MFNG: variants seen among roughly 807,000 people sequenced by gnomAD.
MFNG encodes the protein beta-1,3-N-acetylglucosaminyltransferase manic fringe.
In MFNG, 24 loss-of-function variants were observed where a neutral mutation model predicts 34.2. That is an observed-to-expected ratio of 0.70 (90% confidence interval 0.51 to 0.99). The LOEUF (loss-of-function observed/expected upper bound fraction) is 0.99. Ranked by LOEUF, MFNG falls within the 50% of genes least tolerant of loss-of-function variation. The pLI is 0.00. For synonymous variants in MFNG, 158 were observed against 179.2 expected (o/e 0.88, Z 0.94); for missense variants, 383 against 424.0 (o/e 0.90, Z 0.85).
chr22:37,477,120 C>T, intron 4 of MFNG, 139 bp from the exon 5 acceptor site: 1 of 703,290 alleles, frequency 1.4e-6, no homozygotes, highest in Non-Finnish European at 2.5e-6. Flanking sequence ...CTTGCTACAA[C>T]CTGGCATTAT....
intron 6 of MFNG, among the ~76,000 whole-genome samples, chr22:37,473,865 G>A (rs754089172): frequency 6.6e-6 from 1 of 152,236 alleles, no homozygotes; most frequent in Non-Finnish European, 1.5e-5. Context: ...CTGTCACACT[G>A]TTGGGCAGGA....
At position 37,469,510 on chromosome 22, in the gene MFNG, C is replaced by T; in HGVS notation, c.*453G>A. On this transcript the variant is annotated 3_prime_UTR_variant, in exon 8 of 8. Transcript: ENST00000356998. The stretch of plus-strand genomic sequence containing the variant: ...ATTCTGCCATCATTCCACCCATGTC[C>T]CTTCAGGAACTCGGGACACAGATGA... The T allele has an allele frequency of 3.3e-6, 1 of 304,108 alleles. No individual in the cohort carries two copies. Among genetic ancestry groups the T allele is most frequent in the Non-Finnish European group, 6.6e-6 (1 of 152,520 alleles). The allele number at this position is 304,108 out of a possible 1,614,324, so 18.8% of individuals were successfully genotyped here. A position where few individuals can be genotyped will look rare whatever the true frequency, so the allele number is the denominator to read the frequency against.
rs946213751 is a variant in MFNG, at chr22:37,483,184, C to T, written c.256-2415G>A. Among the ~76,000 whole-genome samples the T allele has an allele frequency of 6.6e-6, 1 of 152,180 alleles. No individual in the cohort carries two copies. Among genetic ancestry groups the T allele is most frequent in the Non-Finnish European group, 1.5e-5 (1 of 68,036 alleles). The stretch of plus-strand genomic sequence containing the variant: ...CTTCCTCTCACACCTCTTCCCGAGC[C>T]TGTCATCAATTCTGCTCACCAGCCT... On this transcript the variant is annotated intron_variant, in intron 1 of 7. Coordinates refer to ENST00000356998, the MANE Select transcript of MFNG (RefSeq NM_002405.4). The surrounding 1 kb of genome is among the most constrained non-coding windows in gnomAD (Gnocchi z 4.5).
At chr22:37,470,914 T>C (rs752163038) in intron 7 of MFNG, among the ~76,000 whole-genome samples, 1 of 152,202 alleles carries the variant, frequency 6.6e-6, no homozygotes, top group Admixed American at 6.5e-5. Context: ...GGCCTTTGCA[T>C]ATGCTGTCCC....
chr22:37,472,656 C>G, intron 6 of MFNG, 128 bp from the exon 7 acceptor site: 1 of 881,242 alleles, frequency 1.1e-6, no homozygotes, highest in East Asian at 3.0e-5. Context: ...TGAAATTCCC[C>G]GCTGGTGGTG....
At chr22:37,470,081 A>C in intron 7 of MFNG, 52 bp from the exon 8 acceptor site, 1 of 1,411,826 alleles carries the variant, frequency 7.1e-7, no homozygotes, top group Non-Finnish European at 9.8e-7. Flanking sequence ...TTCTGCTCTC[A>C]GCCCACTCTC....
Position 37,479,341 on chromosome 22 carries a change from C to G in MFNG, c.561+4G>C, listed in dbSNP as rs772413740. On this transcript the variant is annotated splice_donor_region_variant and intron_variant, in intron 4 of 7. Transcript: ENST00000356998. ...AGGGGCAAAGGAGGAGGAGAGGGAC[C>G]CACCGTGCGGTTGTGGGGCTGTGGC... 6.4e-7 allele frequency: 1 copy of G among 1,565,896 alleles called. No individual in the cohort carries two copies. Among genetic ancestry groups the G allele is most frequent in the East Asian group, 2.4e-5 (1 of 41,626 alleles).
rs766197957 is a variant in MFNG, at chr22:37,480,227, T to A, written c.377A>T (p.Glu126Val). ...HPALSCKMAAEFDTFLASGLR... is the reference protein window; with the variant it reads ...HPALSCKMAAVFDTFLASGLR... ...CCCACTGGCCAAGAAGGTGTCGAAC[T>A]CAGCAGCCATCTTGCAGGACAGAGC... Residue 126 changes from glutamate to valine, a missense_variant, in exon 3 of 8, where the codon GAG becomes GTG. By Grantham distance (121) the Glu-to-Val change is moderately radical (BLOSUM62 -2). Coordinates refer to ENST00000356998, the MANE Select transcript of MFNG (RefSeq NM_002405.4). 3 of 1,611,994 alleles carry A rather than the reference T, an allele frequency of 1.9e-6. No homozygotes were observed. The highest frequency in any genetic ancestry group is 3.3e-5 in the Admixed American group (2 of 60,008).
chr22:37,472,684 C>A, intron 6 of MFNG, 156 bp from the exon 7 acceptor site: 2 of 615,676 alleles, frequency 3.2e-6, no homozygotes, highest in South Asian at 2.1e-5. Flanking sequence ...ACCCCACGCC[C>A]CAAGGCACTT....
At chr22:37,477,702 G>A (rs1014558395) in intron 4 of MFNG, among the ~76,000 whole-genome samples, 1 of 152,034 alleles carries the variant, frequency 6.6e-6, no homozygotes, top group Non-Finnish European at 1.5e-5. Flanking sequence ...CACCTGCCTC[G>A]GCCTCCCAAA....
chr22:37,470,790 G>T (rs981716960), intron 7 of MFNG, among the ~76,000 whole-genome samples: 3 of 152,158 alleles, frequency 2.0e-5, no homozygotes, highest in Non-Finnish European at 2.9e-5. Flanking sequence ...CCTTGGAGAG[G>T]CCCCTGCCAC....
chr22:37,470,179 T>C, intron 7 of MFNG, 150 bp from the exon 8 acceptor site: 2 of 631,380 alleles, frequency 3.2e-6, no homozygotes, highest in South Asian at 1.9e-5. Flanking sequence ...AATTCTTTGT[T>C]GTGGAGCTGT....
chr22:37,476,998 C>A lies in MFNG; in HGVS notation c.562-17G>T. 1 of 1,611,978 alleles carries A rather than the reference C, an allele frequency of 6.2e-7. No individual in the cohort carries two copies. The highest frequency in any genetic ancestry group is 1.1e-5 in the South Asian group (1 of 91,014). On this transcript the variant is annotated splice_polypyrimidine_tract_variant and intron_variant, in intron 4 of 7. Coordinates refer to ENST00000356998, the MANE Select transcript of MFNG (RefSeq NM_002405.4). Reference sequence around the variant, plus strand: ...TACCAGCCTCTGAGAGAGAGGAAGGCCAAGGGGCAGAGTGAGCCTGGTGGC... The same window carrying A: ...TACCAGCCTCTGAGAGAGAGGAAGGACAAGGGGCAGAGTGAGCCTGGTGGC...
rs1208598445 is a variant in MFNG at position 37,483,252 on chromosome 22, C to G, written c.256-2483G>C. On this transcript the variant is annotated intron_variant, in intron 1 of 7. Coordinates refer to ENST00000356998, the MANE Select transcript of MFNG (RefSeq NM_002405.4). The surrounding 1 kb of genome is among the most constrained non-coding windows in gnomAD (Gnocchi z 4.5). ...CTGCTCTTCCCTCCGGCCCACCCGG[C>G]CACCTAGTCCCCGCCACTGTCGTCA... Among the ~76,000 whole-genome samples, 2 of 152,196 alleles carry G rather than the reference C, an allele frequency of 1.3e-5. No individual in the cohort carries two copies. Among genetic ancestry groups the G allele is most frequent in the Non-Finnish European group, 2.9e-5 (2 of 68,048 alleles).
In MFNG at chr22:37,480,171, AT is replaced by A; in HGVS notation, c.407+25del. ...TTTTCACTGGGCCCAGACCACACTTATCCCCAGAGACCCAGGAACACTCGCC... is the reference window on the plus strand; with the variant it reads ...TTTTCACTGGGCCCAGACCACACTTACCCCAGAGACCCAGGAACACTCGCC... On this transcript the variant is annotated intron_variant, in intron 3 of 7. Coordinates refer to ENST00000356998, the MANE Select transcript of MFNG (RefSeq NM_002405.4). The A allele has an allele frequency of 3.2e-6, 5 of 1,575,378 alleles. No homozygotes were observed. In the Admixed American group the frequency reaches 8.4e-5, roughly 27 times the overall value.
rs1172987459 is a variant in MFNG, at chr22:37,474,563, G to A, written c.762C>T (p.His254=). ...GCAGCTGCAGGGTCTCCAGGTGGGA[G>A]TGAAAGAGGGGGCTGGGCTGCAGGC... ...GGRLQPSPLF[H]SHLETLQLLR... is the part of the protein sequence containing the mutation. Residue 254 remains histidine, a synonymous_variant, in exon 6 of 8, where the codon CAC becomes CAT. Coordinates refer to ENST00000356998, the MANE Select transcript of MFNG (RefSeq NM_002405.4). The A allele has an allele frequency of 5.0e-6, 8 of 1,614,100 alleles. No individual in the cohort carries two copies. The South Asian group carries it at 6.6e-5, about 13-fold the overall frequency.
At chr22:37,476,657 G>A (rs1050291300) in intron 5 of MFNG, among the ~76,000 whole-genome samples, 1 of 152,178 alleles carries the variant, frequency 6.6e-6, no homozygotes, top group African/African-American at 2.4e-5. Flanking sequence ...GGGGGACTGG[G>A]GCTCTTGGAG....
At chr22:37,474,409 G>A (rs770648892) in intron 6 of MFNG, 103 bp downstream of exon 6, 6 of 1,351,638 alleles carry the variant, frequency 4.4e-6, no homozygotes, top group Non-Finnish European at 6.1e-6. Flanking sequence ...CCCATAATCT[G>A]GAGTTCCAGG....
chr22:37,483,854 C>T lies in MFNG; in HGVS notation c.255+2069G>A, dbSNP rs1036297166. The stretch of plus-strand genomic sequence containing the variant: ...AAGGGGAGTCCAGGTCCAGAGGGGG[C>T]GGGGGCACAGGAGAGGGCAGTGAGG... On this transcript the variant is annotated intron_variant, in intron 1 of 7. Transcript: ENST00000356998. The surrounding 1 kb of genome is among the most constrained non-coding windows in gnomAD (Gnocchi z 4.5). Among the ~76,000 whole-genome samples, 8 of 152,040 alleles carry T rather than the reference C, an allele frequency of 5.3e-5. No homozygotes were observed. Among genetic ancestry groups the T allele is most frequent in the African/African-American group, 1.7e-4 (7 of 41,404 alleles).
Sources: allele counts gnomAD v4.1 joint callset (sites outside exome capture counted in the v4.1 genomes callset), GRCh38; gene constraint gnomAD v4.1.1; non-coding constraint Gnocchi (gnomAD v3.1); transcripts MANE v1.5; gene names NCBI Gene and HGNC (gene_info 2026-07-23, HGNC 2026-07-21).